The following COG5 variants were observed in gnomAD, a reference collection of about 807,000 sequenced individuals.
The protein encoded by COG5 is component of oligomeric golgi complex 5.
COG5 carries 86 observed loss-of-function variants against 110.4 expected under a neutral mutation model. That is an observed-to-expected ratio of 0.78 (90% confidence interval 0.65 to 0.93). The LOEUF is 0.93. Among genes scored for constraint, COG5 ranks in the 40% least tolerant of loss-of-function variants. COG5 has a pLI of 0.00. For missense variants in COG5, 1,077 were observed against 987.0 expected (o/e 1.09, Z -1.22); for synonymous variants, 360 against 334.6 (o/e 1.08, Z -0.83).
intron 18 of COG5, among the ~76,000 whole-genome samples, chr7:107,235,848 C>T (rs1243344696): frequency 2.0e-5 from 3 of 152,138 alleles, no homozygotes; most frequent in East Asian, 1.9e-4. Context: ...ACAAAGAAAA[C>T]GCTTTCTATA....
At chr7:107,309,142 GA>G (rs1387001024) in intron 11 of COG5, among the ~76,000 whole-genome samples, 7 of 151,806 alleles carry the variant, frequency 4.6e-5, no homozygotes, top group South Asian at 2.1e-4. Flanking sequence ...ATTTTTTAAA[GA>G]AAAAAATACA....
intron 6 of COG5, among the ~76,000 whole-genome samples, chr7:107,479,302 G>A (rs554285603): frequency 6.6e-6 from 1 of 152,132 alleles, no homozygotes; most frequent in South Asian, 2.1e-4. Context: ...TTAAATTTGG[G>A]TCATAAGACA....
At position 107,474,072 on chromosome 7, in the gene COG5, TC is replaced by T; in HGVS notation, c.538+53164del. 6.4e-7 allele frequency: 1 copy of T among 1,555,612 alleles called. No individual in the cohort carries two copies. Among genetic ancestry groups the T allele is most frequent in the South Asian group, 1.2e-5 (1 of 83,230 alleles). On this transcript the variant is annotated intron_variant, in intron 6 of 21. Transcript: ENST00000297135. This position sits in a 1 kb window ranked among gnomAD's most constrained non-coding sequence, Gnocchi z 5.7. ...ACTGCTCCAAAAGAATGTGTTTTTC[TC>T]CCATTCTGGAAATCAACATGCAGTC...
intron 7 of COG5, among the ~76,000 whole-genome samples, chr7:107,390,379 T>C (rs1584763500): frequency 6.6e-6 from 1 of 152,276 alleles, no homozygotes; most frequent in Admixed American, 6.5e-5. Context: ...CTTGCACGTC[T>C]GCAAGCCCTC....
intron 17 of COG5, among the ~76,000 whole-genome samples, chr7:107,245,455 C>A (rs566799144): frequency 2.5e-4 from 38 of 152,252 alleles, no homozygotes; most frequent in Non-Finnish European, 3.4e-4. Flanking sequence ...GATTCTATAT[C>A]TAGAAAACCC....
At chr7:107,320,390 G>T (rs773523607) in intron 11 of COG5, among the ~76,000 whole-genome samples, 6 of 152,108 alleles carry the variant, frequency 3.9e-5, no homozygotes, top group Non-Finnish European at 7.4e-5. Context: ...TCTTTTCTAT[G>T]CAAAATGCCA....
In COG5 at chr7:107,563,552, G is replaced by GGC. The variant is rs1244524368; in HGVS notation, c.94+250_94+251insGC. The stretch of plus-strand genomic sequence containing the variant: ...CAGGGAAGCTGGAGGCATGGGGGGG[G>GGC]GGGGGGTCGAGTTGAAATGAGGAAC... On this transcript the variant is annotated intron_variant, in intron 1 of 21. Coordinates refer to ENST00000297135, the MANE Select transcript of COG5 (RefSeq NM_006348.5). 13 of 500,770 alleles carry GGC rather than the reference G, an allele frequency of 2.6e-5. No homozygotes were observed. The East Asian group carries it at 4.7e-4, about 18-fold the overall frequency. The allele number at this position is 500,770 out of a possible 1,614,324, so 31.0% of individuals were successfully genotyped here. A position where few individuals can be genotyped will look rare whatever the true frequency, so the allele number is the denominator to read the frequency against.
At position 107,248,399 on chromosome 7, in the gene COG5, GAA is replaced by G; in HGVS notation, c.1848_1849del (p.Ser617TrpfsTer10). 6.2e-7 allele frequency: 1 copy of G among 1,600,866 alleles called. No homozygotes were observed. The highest frequency in any genetic ancestry group is 8.6e-7 in the Non-Finnish European group (1 of 1,168,800). On this transcript the variant is annotated frameshift_variant, in exon 17 of 22. Coordinates refer to ENST00000297135, the MANE Select transcript of COG5 (RefSeq NM_006348.5). LOFTEE classifies it high-confidence loss of function. ...AAATTTGGTTAGAAGTAATTACCCA[GAA>G]AAGTCTTCTTGATGCATGGTGATGA...
intron 16 of COG5, among the ~76,000 whole-genome samples, chr7:107,255,512 T>A (rs1802819043): frequency 2.0e-5 from 3 of 152,100 alleles, no homozygotes; most frequent in Non-Finnish European, 2.9e-5. Context: ...TTAGGATTTG[T>A]GACACAGTAT....
chr7:107,498,038 GAC>G (rs1341237272), intron 6 of COG5, among the ~76,000 whole-genome samples: 1 of 152,152 alleles, frequency 6.6e-6, no homozygotes, highest in African/African-American at 2.4e-5. Context: ...AGGAGGTAAT[GAC>G]AGTCTCTTCA....
chr7:107,492,194 TG>T (rs1798015433), intron 6 of COG5, among the ~76,000 whole-genome samples: 5 of 151,534 alleles, frequency 3.3e-5, no homozygotes, highest in Non-Finnish European at 7.4e-5. Flanking sequence ...TGTGTGTGTG[TG>T]TGTGTGTGTA....
chr7:107,229,833 TTTTTGG>T (rs1384431682), intron 19 of COG5, among the ~76,000 whole-genome samples: 4 of 151,756 alleles, frequency 2.6e-5, no homozygotes, highest in Non-Finnish European at 5.9e-5. Context: ...TTCTGTTTTT[TTTTTGG>T]TTTTTGTTTT....
chr7:107,548,229 T>C (rs1435456739), intron 4 of COG5, 49 bp from the exon 5 acceptor site: 9 of 1,604,832 alleles, frequency 5.6e-6, no homozygotes, highest in Admixed American at 1.7e-5. Context: ...AGAATATCAA[T>C]GGATAAAAAC....
chr7:107,204,922 A>G (rs913684298), intron 21 of COG5, among the ~76,000 whole-genome samples: 1 of 152,154 alleles, frequency 6.6e-6, no homozygotes, highest in Non-Finnish European at 1.5e-5. Context: ...TATTTCAACA[A>G]AGGGCACCAT....
At chr7:107,243,511 C>CAA (rs759045963) in intron 17 of COG5, among the ~76,000 whole-genome samples, 1,759 of 78,382 alleles carry the variant, frequency 0.022, 43 homozygotes, top group Non-Finnish European at 0.031. Flanking sequence ...GACTCCATCT[C>CAA]AAAAAAAAAA....
At chr7:107,332,973 G>A (rs1810399982) in intron 10 of COG5, among the ~76,000 whole-genome samples, 1 of 152,172 alleles carries the variant, frequency 6.6e-6, no homozygotes, top group South Asian at 2.1e-4. Flanking sequence ...GGGAGGTAAG[G>A]ATAAGCAATA....
chr7:107,395,740 A>G (rs569536005), intron 7 of COG5, among the ~76,000 whole-genome samples: 1 of 151,746 alleles, frequency 6.6e-6, no homozygotes, highest in Admixed American at 6.6e-5. Context: ...TTTTTAGTAG[A>G]GATAGGGTTT....
At chr7:107,425,632 T>G (rs1793593565) in intron 6 of COG5, among the ~76,000 whole-genome samples, 3 of 152,222 alleles carry the variant, frequency 2.0e-5, no homozygotes, top group Admixed American at 2.0e-4. Flanking sequence ...GTCTGCAAAT[T>G]TTAAGGGCTT....
At chr7:107,297,154 T>C (rs1806818449) in intron 12 of COG5, among the ~76,000 whole-genome samples, 2 of 152,138 alleles carry the variant, frequency 1.3e-5, no homozygotes, top group Non-Finnish European at 2.9e-5. Flanking sequence ...TTTCTGCAAA[T>C]TCTACATCCA....
Sources: allele counts gnomAD v4.1 joint callset (sites outside exome capture counted in the v4.1 genomes callset), GRCh38; gene constraint gnomAD v4.1.1; non-coding constraint Gnocchi (gnomAD v3.1); transcripts MANE v1.5; gene names NCBI Gene and HGNC (gene_info 2026-07-23, HGNC 2026-07-21).